Variants in MB21D2 observed in about 807,000 individuals in gnomAD.
MB21D2 encodes the protein nucleotidyltransferase MB21D2.
In MB21D2, 9 loss-of-function variants were observed where a neutral mutation model predicts 33.3. The ratio of observed to expected loss-of-function variants is 0.27; its 90% CI spans 0.16 to 0.47. The LOEUF is 0.47. MB21D2 is among the 20% of genes least tolerant of loss of function. The pLI is 0.99. For missense variants in MB21D2, 540 were observed against 624.6 expected (o/e 0.86, Z 1.44); for synonymous variants, 241 against 236.3 (o/e 1.02, Z -0.18).
chr3:192,805,413 T>C (rs977202670), intron 1 of MB21D2, among the ~76,000 whole-genome samples: 3 of 152,238 alleles, frequency 2.0e-5, no homozygotes, highest in African/African-American at 7.2e-5. Context: ...ATATGTTTTA[T>C]ATGTCAAAGA....
chr3:192,817,287 G>A (rs71314472), intron 1 of MB21D2, among the ~76,000 whole-genome samples: 16,692 of 152,150 alleles, frequency 0.11, 1,037 homozygotes, highest in Middle Eastern at 0.18. Context: ...GCAAGTAACT[G>A]TGTGTCAAGT....
intron 1 of MB21D2, among the ~76,000 whole-genome samples, chr3:192,845,419 C>A (rs992622022): frequency 3.3e-5 from 5 of 152,212 alleles, no homozygotes; most frequent in African/African-American, 1.2e-4. Flanking sequence ...AGCTATGAAT[C>A]ACAATTCCCA....
chr3:192,912,212 G>A (rs1386262416), intron 1 of MB21D2, among the ~76,000 whole-genome samples: 1 of 152,082 alleles, frequency 6.6e-6, no homozygotes, highest in Non-Finnish European at 1.5e-5. Flanking sequence ...ACAGGGGAGG[G>A]GTCCCTGAAG....
At chr3:192,844,394 GGT>G (rs1163993832) in intron 1 of MB21D2, among the ~76,000 whole-genome samples, 2 of 152,188 alleles carry the variant, frequency 1.3e-5, no homozygotes, top group Non-Finnish European at 2.9e-5. Flanking sequence ...CCACTCATGT[GGT>G]TGTTTCAGAG....
chr3:192,845,443 C>A, intron 1 of MB21D2, among the ~76,000 whole-genome samples: 1 of 152,210 alleles, frequency 6.6e-6, no homozygotes, highest in South Asian at 2.1e-4. Context: ...AGAAGTGTTT[C>A]CTCTCCACTC....
Position 192,798,349 on chromosome 3 carries a change from A to G in MB21D2, c.*37T>C, listed in dbSNP as rs752266839. On this transcript the variant is annotated 3_prime_UTR_variant, in exon 2 of 2. Transcript: ENST00000392452. The surrounding 1 kb of genome is among the most constrained non-coding windows in gnomAD (Gnocchi z 4.8). ...CACAAACCACACGACACATTATCAGAGTTTAAGAATCAGGAAAAAAAAAAG... is the reference window on the plus strand; with the variant it reads ...CACAAACCACACGACACATTATCAGGGTTTAAGAATCAGGAAAAAAAAAAG... 1.1e-5 allele frequency: 17 copies of G among 1,596,438 alleles called. No homozygotes were observed. The highest frequency in any genetic ancestry group is 1.4e-5 in the Non-Finnish European group (16 of 1,168,468).
rs770021154 is a variant in MB21D2, at chr3:192,799,665, GA to G, written c.212-16del. 3 of 1,595,634 alleles carry G rather than the reference GA, an allele frequency of 1.9e-6. No homozygotes were observed. The highest frequency in any genetic ancestry group is 2.6e-6 in the Non-Finnish European group (3 of 1,173,606). ...TTGCACCATTCCTGGAAATAAAGAA[GA>G]AAAAAACAACACTATTACAGGAAAC... On this transcript the variant is annotated splice_polypyrimidine_tract_variant and intron_variant, in intron 1 of 1. Coordinates refer to ENST00000392452, the MANE Select transcript of MB21D2 (RefSeq NM_178496.4). The surrounding 1 kb of genome is among the most constrained non-coding windows in gnomAD (Gnocchi z 4.1).
intron 1 of MB21D2, among the ~76,000 whole-genome samples, chr3:192,871,336 T>C (rs11919961): frequency 0.061 from 9,290 of 152,266 alleles, 386 homozygotes; most frequent in East Asian, 0.15. Flanking sequence ...CTACTAAATA[T>C]AGATTACTTA....
intron 1 of MB21D2, among the ~76,000 whole-genome samples, chr3:192,874,333 A>G (rs1051945700): frequency 1.3e-5 from 2 of 152,242 alleles, no homozygotes; most frequent in African/African-American, 4.8e-5. Context: ...AGTCAGAACC[A>G]TAGCTAGAAT....
At chr3:192,853,988 C>A (rs1190379812) in intron 1 of MB21D2, among the ~76,000 whole-genome samples, 1 of 152,212 alleles carries the variant, frequency 6.6e-6, no homozygotes, top group Non-Finnish European at 1.5e-5. Flanking sequence ...CCCCAGCTCT[C>A]TCCCTCCCCA....
At chr3:192,889,035 G>C (rs1713793510) in intron 1 of MB21D2, among the ~76,000 whole-genome samples, 1 of 152,102 alleles carries the variant, frequency 6.6e-6, no homozygotes, top group Admixed American at 6.5e-5. Context: ...CAGCCACTGG[G>C]AGGAGCATGG....
chr3:192,847,780 A>G (rs1429860680), intron 1 of MB21D2, among the ~76,000 whole-genome samples: 1 of 152,234 alleles, frequency 6.6e-6, no homozygotes, highest in Non-Finnish European at 1.5e-5. Flanking sequence ...TCCCTGGGGA[A>G]CTAGAGACAA....
chr3:192,826,702 G>T (rs902907044), intron 1 of MB21D2, among the ~76,000 whole-genome samples: 5 of 152,158 alleles, frequency 3.3e-5, no homozygotes, highest in African/African-American at 1.2e-4. Context: ...AATGCCCTCA[G>T]AGAGAATCTC....
intron 1 of MB21D2, among the ~76,000 whole-genome samples, chr3:192,894,634 C>G (rs1335094900): frequency 2.6e-5 from 4 of 151,734 alleles, no homozygotes; most frequent in African/African-American, 4.9e-5. Flanking sequence ...GTCCATAACA[C>G]AGTGTCATTT....
rs140495859 is a variant in MB21D2 at position 192,907,216 on chromosome 3, C to T, written c.211+10414G>A. 4.9e-3 allele frequency among the ~76,000 whole-genome samples: 752 copies of T among 152,260 alleles called. 4 individuals are homozygous for T. Among genetic ancestry groups the T allele is most frequent in the African/African-American group, 0.017 (714 of 41,540 alleles). On this transcript the variant is annotated intron_variant, in intron 1 of 1. Transcript: ENST00000392452. ...AGTACTTACCCAGGTCTATTGTAAA[C>T]ACTGTCACAAGCCCTAAGGATGAGT...
chr3:192,800,184 G>A (rs551085918), intron 1 of MB21D2, among the ~76,000 whole-genome samples: 20 of 152,252 alleles, frequency 1.3e-4, no homozygotes, highest in African/African-American at 4.8e-4. Flanking sequence ...CTCAGTGTGG[G>A]CTGGAGACAC....
chr3:192,847,914 C>T (rs565825746), intron 1 of MB21D2, among the ~76,000 whole-genome samples: 33 of 152,216 alleles, frequency 2.2e-4, no homozygotes, highest in Middle Eastern at 3.4e-3. Context: ...ATCAAAAAAA[C>T]ATTCAAACAG....
At chr3:192,866,910 G>C (rs1237108537) in intron 1 of MB21D2, among the ~76,000 whole-genome samples, 3 of 151,806 alleles carry the variant, frequency 2.0e-5, no homozygotes, top group Admixed American at 6.6e-5. Flanking sequence ...CTGACATCAA[G>C]TCCTACATGA....
chr3:192,815,850 T>C (rs1043534121), intron 1 of MB21D2, among the ~76,000 whole-genome samples: 2 of 152,194 alleles, frequency 1.3e-5, no homozygotes, highest in Non-Finnish European at 2.9e-5. Context: ...TGGATTTTTG[T>C]CCTCTATTCA....
Sources: gnomAD v4.1 joint callset for allele counts (sites outside exome capture counted in the v4.1 genomes callset) on GRCh38, gnomAD v4.1.1 for gene constraint, Gnocchi (gnomAD v3.1) non-coding constraint, MANE v1.5 for transcripts, NCBI Gene and HGNC (gene_info 2026-07-23, HGNC 2026-07-21) for gene names.